KLF12: variants seen among roughly 807,000 people sequenced by gnomAD.
KLF12 encodes the protein KLF transcription factor 12, also known as Krueppel-like factor 12.
In KLF12, 9 loss-of-function variants were observed where a neutral mutation model predicts 37.8. The observed-to-expected ratio is 0.24, with a 90% CI of 0.14 to 0.42. The LOEUF is 0.42. Ranked by LOEUF, KLF12 falls within the 10% of genes least tolerant of loss-of-function variation. The pLI is 1.00. For missense variants in KLF12, 411 were observed against 516.0 expected (o/e 0.80, Z 1.97); for synonymous variants, 208 against 202.1 (o/e 1.03, Z -0.25).
chr13:73,872,020 T>C (rs1566430034), intron 3 of KLF12, among the ~76,000 whole-genome samples: 1 of 152,190 alleles, frequency 6.6e-6, no homozygotes, highest in Non-Finnish European at 1.5e-5. Context: ...TATTAAGGCT[T>C]GAATCAAAGC....
At chr13:74,005,265 C>T (rs1420914495) in intron 1 of KLF12, among the ~76,000 whole-genome samples, 2 of 151,988 alleles carry the variant, frequency 1.3e-5, no homozygotes, top group Non-Finnish European at 2.9e-5. Flanking sequence ...AACTTCAACG[C>T]TGTCAAATAG....
rs566963243 is a variant in KLF12, at chr13:73,956,936, G to T, written c.34-12866C>A. The stretch of plus-strand genomic sequence containing the variant: ...GGCCCTGTGAAAGAAAGGAAGGAAA[G>T]AAAGGGAGGGAAGGGAAGGAAAAAA... On this transcript the variant is annotated intron_variant, in intron 2 of 7. Coordinates refer to ENST00000377669, the MANE Select transcript of KLF12 (RefSeq NM_007249.5). 2.0e-5 allele frequency among the ~76,000 whole-genome samples: 3 copies of T among 147,990 alleles called. No individual in the cohort carries two copies. In the South Asian group the frequency reaches 6.4e-4, roughly 32 times the overall value.
the KLF12 span, among the ~76,000 whole-genome samples, chr13:74,203,916 A>G: frequency 6.6e-6 from 1 of 152,176 alleles, no homozygotes; most frequent in Non-Finnish European, 1.5e-5. Context: ...GGAGACTCAG[A>G]AGCAAAGCCT....
At chr13:73,871,755 C>G (rs1248973363) in intron 3 of KLF12, among the ~76,000 whole-genome samples, 4 of 152,186 alleles carry the variant, frequency 2.6e-5, no homozygotes, top group Admixed American at 6.5e-5. Flanking sequence ...CATCCTGATG[C>G]TCACTCTAGG....
chr13:74,165,986 A>G, the KLF12 span, among the ~76,000 whole-genome samples: 1 of 151,886 alleles, frequency 6.6e-6, no homozygotes. Context: ...TGTTACATCT[A>G]TGAGATCTAT....
chr13:73,841,380 C>T (rs1884726419), intron 4 of KLF12, among the ~76,000 whole-genome samples: 1 of 152,110 alleles, frequency 6.6e-6, no homozygotes, highest in Non-Finnish European at 1.5e-5. Context: ...AATACACTAA[C>T]ACTAAGGATA....
the KLF12 span, among the ~76,000 whole-genome samples, chr13:74,196,321 G>T: frequency 1.3e-5 from 2 of 152,176 alleles, no homozygotes; most frequent in Non-Finnish European, 2.9e-5. Flanking sequence ...GGGAGCACCA[G>T]CAGGAGATCA....
At chr13:74,240,084 G>A in the KLF12 span, among the ~76,000 whole-genome samples, 1 of 152,086 alleles carries the variant, frequency 6.6e-6, no homozygotes, top group African/African-American at 2.4e-5. Context: ...GCTGGTACCG[G>A]TTGTTCTTTT....
intron 1 of KLF12, among the ~76,000 whole-genome samples, chr13:74,125,733 T>C (rs1167506942): frequency 1.3e-5 from 2 of 152,236 alleles, no homozygotes; most frequent in Non-Finnish European, 2.9e-5. Context: ...ACTTCTTTAT[T>C]GAAGTATATC....
intron 3 of KLF12, among the ~76,000 whole-genome samples, chr13:73,914,313 T>C (rs748995012): frequency 3.3e-5 from 5 of 152,140 alleles, no homozygotes; most frequent in Non-Finnish European, 7.4e-5. Flanking sequence ...ACCAACCCAC[T>C]CGTCCCCTGG....
At chr13:73,939,778 G>A (rs1890108189) in intron 3 of KLF12, among the ~76,000 whole-genome samples, 1 of 152,126 alleles carries the variant, frequency 6.6e-6, no homozygotes, top group African/African-American at 2.4e-5. Flanking sequence ...CACACAGCTG[G>A]TACCAGGCTG....
At chr13:73,936,489 C>CCAATACACAGGAAGATAAGTACT (rs1264575005) in intron 3 of KLF12, among the ~76,000 whole-genome samples, 1 of 152,260 alleles carries the variant, frequency 6.6e-6, no homozygotes, top group East Asian at 1.9e-4. Flanking sequence ...TTGCCTTCCT[C>CCAATACACAGGAAGATAAGTACT]CAATACACAG....
intron 5 of KLF12, among the ~76,000 whole-genome samples, chr13:73,797,870 C>T (rs1403663589): frequency 6.6e-6 from 1 of 151,920 alleles, no homozygotes. Context: ...GAGGCCTGGT[C>T]CAGGCCCAGA....
At chr13:74,268,271 G>T in the KLF12 span, among the ~76,000 whole-genome samples, 2 of 152,100 alleles carry the variant, frequency 1.3e-5, no homozygotes, top group Non-Finnish European at 2.9e-5. Context: ...GGGACTTTTG[G>T]CAGGGTGATT....
intron 7 of KLF12, 136 bp from the exon 8 acceptor site, chr13:73,695,807 A>G: frequency 1.2e-6 from 1 of 800,674 alleles, no homozygotes; most frequent in Non-Finnish European, 2.0e-6. Flanking sequence ...AAACCTTACC[A>G]TCCCACCAGC....
At chr13:74,181,991 C>A in the KLF12 span, among the ~76,000 whole-genome samples, 4 of 152,110 alleles carry the variant, frequency 2.6e-5, no homozygotes, top group South Asian at 8.3e-4. Context: ...ATAGATACGT[C>A]TTTTCAGTTA....
the KLF12 span, among the ~76,000 whole-genome samples, chr13:74,165,406 C>T: frequency 6.6e-6 from 1 of 150,568 alleles, no homozygotes; most frequent in African/African-American, 2.4e-5. Flanking sequence ...TCAAGTGATC[C>T]TCCCACCTCA....
chr13:73,818,255 C>T (rs925162007), intron 4 of KLF12, among the ~76,000 whole-genome samples: 11 of 152,266 alleles, frequency 7.2e-5, no homozygotes, highest in African/African-American at 2.7e-4. Context: ...AAGTAATTCT[C>T]CTGCCTTGGC....
At chr13:74,000,743 T>C (rs1484798572) in intron 1 of KLF12, among the ~76,000 whole-genome samples, 1 of 152,192 alleles carries the variant, frequency 6.6e-6, no homozygotes, top group Non-Finnish European at 1.5e-5. Flanking sequence ...AATTACTCTT[T>C]TAATCTGTTT....
Sources: gnomAD v4.1 joint callset for allele counts (sites outside exome capture counted in the v4.1 genomes callset) on GRCh38, gnomAD v4.1.1 for gene constraint, MANE v1.5 for transcripts, NCBI Gene and HGNC (gene_info 2026-07-23, HGNC 2026-07-21) for gene names.